Variants in ARSG observed in about 807,000 individuals in gnomAD.
ARSG encodes the protein ASG.
In ARSG, 37 loss-of-function variants were observed where a neutral mutation model predicts 50.5. That is an observed-to-expected ratio of 0.73 (90% CI 0.56 to 0.96). ARSG has a LOEUF of 0.96. ARSG is among the 50% of genes least tolerant of loss of function. The pLI, the probability that ARSG is intolerant of heterozygous loss-of-function variation, is 0.00. For missense variants in ARSG, 629 were observed against 675.3 expected, an observed-to-expected ratio of 0.93 and a Z score of 0.76; for synonymous variants, 225 against 254.6, an observed-to-expected ratio of 0.88 and a Z score of 1.11.
intron 11 of ARSG, among the ~76,000 whole-genome samples, chr17:68,418,391 G>A (rs1014198361): frequency 4.6e-5 from 7 of 152,320 alleles, no homozygotes; most frequent in African/African-American, 1.7e-4. Flanking sequence ...TCATGTCACT[G>A]CCCTGTACTG....
Position 68,346,752 on chromosome 17 carries a change from G to C in ARSG, c.407-373G>C, listed in dbSNP as rs1239573484. ...ATGTGGGGCGGTGCACCTGCACCCTGGGCCTCCTGGTGCCTTTGCAGGGCC... is the reference window on the plus strand; with the variant it reads ...ATGTGGGGCGGTGCACCTGCACCCTCGGCCTCCTGGTGCCTTTGCAGGGCC... On this transcript the variant is annotated intron_variant, in intron 3 of 11. Transcript: ENST00000621439. The C allele has an allele frequency of 2.3e-6, 3 of 1,289,824 alleles. No individual in the cohort carries two copies. In the East Asian group the frequency reaches 1.6e-4, roughly 69 times the overall value. 79.9% of individuals were successfully genotyped at this position (1,289,824 alleles called of 1,614,324 possible).
At chr17:68,337,607 ATT>A (rs1468275671) in intron 2 of ARSG, among the ~76,000 whole-genome samples, 2 of 100 alleles carry the variant, frequency 0.02, no homozygotes, top group African/African-American at 0.042. Context: ...AAACGCTTCT[ATT>A]TATTTATTTA....
chr17:68,303,001 GA>G (rs2076475947), intron 1 of ARSG, among the ~76,000 whole-genome samples: 1 of 152,176 alleles, frequency 6.6e-6, no homozygotes, highest in Non-Finnish European at 1.5e-5. Flanking sequence ...GAGTGATGGA[GA>G]AAGAAAAAGC....
the ARSG span, among the ~76,000 whole-genome samples, chr17:68,441,329 C>A: frequency 1.5e-3 from 233 of 152,338 alleles, 1 homozygote; most frequent in Non-Finnish European, 2.7e-3. Flanking sequence ...AAGTGTGAGG[C>A]AACAGGCGAA....
intron 1 of ARSG, among the ~76,000 whole-genome samples, chr17:68,283,878 C>CAAAAAAAAAA (rs58291216): frequency 1.8e-5 from 1 of 55,430 alleles, no homozygotes; most frequent in Non-Finnish European, 3.4e-5. Flanking sequence ...AACTCCGTCT[C>CAAAAAAAAAA]AAAAAAAAAA....
chr17:68,356,525 T>C (rs1356815722), intron 5 of ARSG, 142 bp from the exon 6 acceptor site: 6 of 893,460 alleles, frequency 6.7e-6, no homozygotes, highest in Non-Finnish European at 8.6e-6. Context: ...CTTTTACACT[T>C]GGAGGAAATG....
intron 6 of ARSG, among the ~76,000 whole-genome samples, chr17:68,368,025 G>A (rs1017895355): frequency 5.3e-5 from 8 of 152,038 alleles, no homozygotes; most frequent in Non-Finnish European, 7.4e-5. Context: ...TGACAATATC[G>A]CGCCACTGCA....
At chr17:68,395,331 T>A in intron 10 of ARSG, 138 bp downstream of exon 10, 1 of 1,333,364 alleles carries the variant, frequency 7.5e-7, no homozygotes, top group Non-Finnish European at 1.0e-6. Flanking sequence ...CTCACGCCTG[T>A]AATCCCAGCA....
At chr17:68,428,711 A>C in the ARSG span, 1 of 762,508 alleles carries the variant, frequency 1.3e-6, no homozygotes, top group African/African-American at 1.7e-5. Context: ...TTTGCCACTG[A>C]GACTGCCAGT....
At position 68,420,290 on chromosome 17, in the gene ARSG, G is replaced by C. The variant is rs140835149; in HGVS notation, c.1405G>C (p.Glu469Gln). The C allele has an allele frequency of 6.2e-7, 1 of 1,614,030 alleles. No homozygotes were observed. Among genetic ancestry groups the C allele is most frequent in the Non-Finnish European group, 8.5e-7 (1 of 1,180,032 alleles). The change falls in exon 12 of 12, where the codon GAA (glutamate) becomes CAA (glutamine). Residue 469 changes from glutamate to glutamine, a missense_variant. Transcript: ENST00000621439. ...CGATACCGCAGAAGCTGTGCCCCTA[G>C]AAAGAGGTGGTGCGGAGTACCAGGC... ...EDDTAEAVPL[E>Q]RGGAEYQAVL... is the part of the protein sequence containing the mutation.
downstream of ARSG, chr17:68,426,309 C>G: frequency 1.4e-6 from 1 of 721,084 alleles, no homozygotes; most frequent in South Asian, 1.7e-5. Context: ...CCTGGAGGTA[C>G]TGTGCCTAGG....
rs146659876 is a variant in ARSG at position 68,349,837 on chromosome 17, G to A, written c.455-1738G>A. On this transcript the variant is annotated intron_variant, in intron 4 of 11. Transcript: ENST00000621439. ...GGTGGAGGTTGCATGAGCTGAGATC[G>A]TGCCACTGCACTCCAGCCTGGGAGA... is the stretch of plus-strand genomic sequence containing the variant. Among the ~76,000 whole-genome samples, 1,514 of 152,214 alleles carry A rather than the reference G, an allele frequency of 9.9e-3. 24 individuals are homozygous for A. Among genetic ancestry groups the A allele is most frequent in the African/African-American group, 0.035 (1,453 of 41,528 alleles).
the ARSG span, chr17:68,433,629 C>T: frequency 1.4e-6 from 2 of 1,422,252 alleles, no homozygotes; most frequent in Admixed American, 3.6e-5. Flanking sequence ...GAGTTATGGC[C>T]TTATAACTCA....
the ARSG span, among the ~76,000 whole-genome samples, chr17:68,446,565 T>C: frequency 1.3e-5 from 2 of 152,196 alleles, no homozygotes; most frequent in Non-Finnish European, 2.9e-5. Context: ...TTCTCAAAAT[T>C]GATGATAAAT....
intron 1 of ARSG, among the ~76,000 whole-genome samples, chr17:68,286,457 T>C (rs563971409): frequency 1.3e-5 from 2 of 152,344 alleles, no homozygotes; most frequent in South Asian, 4.1e-4. Context: ...ATACTGAATC[T>C]CCTGCCTTCC....
chr17:68,424,737 C>G (rs1026122531), downstream of ARSG, among the ~76,000 whole-genome samples: 6 of 152,090 alleles, frequency 3.9e-5, no homozygotes, highest in Admixed American at 2.0e-4. Flanking sequence ...ATTAGTTGGG[C>G]ATGGTGGCGC....
chr17:68,392,691 G>C (rs944008126), intron 9 of ARSG, among the ~76,000 whole-genome samples: 6 of 152,106 alleles, frequency 3.9e-5, no homozygotes, highest in Admixed American at 3.3e-4. Flanking sequence ...GTAGAGACAG[G>C]GTTTCGCCAT....
At chr17:68,408,355 A>G (rs1048294320) in intron 11 of ARSG, among the ~76,000 whole-genome samples, 2 of 140,170 alleles carry the variant, frequency 1.4e-5, no homozygotes, top group Non-Finnish European at 3.0e-5. Context: ...ATTCCCACCT[A>G]TGAGTGAGAA....
At chr17:68,313,308 A>C (rs1555767365) in intron 2 of ARSG, among the ~76,000 whole-genome samples, 1 of 152,154 alleles carries the variant, frequency 6.6e-6, no homozygotes, top group Non-Finnish European at 1.5e-5. Flanking sequence ...GTCCTTTCAC[A>C]GTTCGGAGAG....
Sources: gnomAD v4.1 joint callset for allele counts (sites outside exome capture counted in the v4.1 genomes callset) on GRCh38, gnomAD v4.1.1 for gene constraint, MANE v1.5 for transcripts, NCBI Gene and HGNC (gene_info 2026-07-23, HGNC 2026-07-21) for gene names.